RWDD1: variants seen among roughly 807,000 people sequenced by gnomAD.
The protein encoded by RWDD1 is RWD domain-containing protein 1.
Under a neutral mutation model 31.6 loss-of-function variants are expected in RWDD1, and 17 were observed. The ratio of observed to expected loss-of-function variants is 0.54; its 90% confidence interval spans 0.37 to 0.81. The LOEUF is 0.81. Among genes scored for constraint, RWDD1 ranks in the 30% least tolerant of loss-of-function variants. RWDD1 has a pLI of 0.00. For synonymous variants in RWDD1, 78 were observed against 94.2 expected (o/e 0.83, Z 0.99); for missense variants, 204 against 274.5 (o/e 0.74, Z 1.82).
chr6:116,587,932 T>A (rs1245805536), intron 3 of RWDD1, among the ~76,000 whole-genome samples: 2 of 151,994 alleles, frequency 1.3e-5, no homozygotes, highest in Non-Finnish European at 2.9e-5. Context: ...GTGGTGTGAT[T>A]TGTGGAGATT....
rs1371463322 is a variant in RWDD1 at position 116,594,543 on chromosome 6, A to G, written c.*1442A>G. ...CCACTGTCCTGTAGTCGTGAAGTCT[A>G]TATATTTTGGTATTTTCTTTACCTC... On this transcript the variant is annotated 3_prime_UTR_variant, in exon 7 of 7. Transcript: ENST00000466444. 1.3e-5 allele frequency: 2 copies of G among 152,140 alleles called. No individual in the cohort carries two copies. Among genetic ancestry groups the G allele is most frequent in the African/African-American group, 4.8e-5 (2 of 41,414 alleles). The allele number at this position is 152,140 out of a possible 1,614,324, so 9.4% of individuals were successfully genotyped here.
intron 2 of RWDD1, 28 bp from the exon 3 acceptor site, chr6:116,584,699 C>G: frequency 6.3e-7 from 1 of 1,596,448 alleles, no homozygotes; most frequent in Non-Finnish European, 8.6e-7. Context: ...TTAAGGTATT[C>G]ACATCAAACT....
rs1032861652 is a variant in RWDD1 at position 116,595,305 on chromosome 6, A to C, written c.*2204A>C. 2.0e-5 allele frequency: 3 copies of C among 152,212 alleles called. No individual in the cohort carries two copies. The highest frequency in any genetic ancestry group is 4.4e-5 in the Non-Finnish European group (3 of 68,038). The allele number at this position is 152,212 out of a possible 1,614,324, so 9.4% of individuals were successfully genotyped here. On this transcript the variant is annotated 3_prime_UTR_variant, in exon 7 of 7. Coordinates refer to ENST00000466444, the MANE Select transcript of RWDD1 (RefSeq NM_015952.4). ...TCCACCTTTGCCATTTCAGAACCTAAAGGCAGAATCTAATGGTAAAATGAA... is the reference window on the plus strand; with the variant it reads ...TCCACCTTTGCCATTTCAGAACCTACAGGCAGAATCTAATGGTAAAATGAA...
intron 4 of RWDD1, among the ~76,000 whole-genome samples, chr6:116,589,238 A>C (rs1775096395): frequency 6.6e-6 from 1 of 152,202 alleles, no homozygotes; most frequent in African/African-American, 2.4e-5. Context: ...TAAAGATTTC[A>C]CCTATGATAT....
chr6:116,584,910 T>C, intron 3 of RWDD1, 53 bp downstream of exon 3: 1 of 1,370,344 alleles, frequency 7.3e-7, no homozygotes. Flanking sequence ...GCCTTAAATA[T>C]TACATATTAA....
Position 116,593,872 on chromosome 6 carries a change from G to A in RWDD1, c.*771G>A, listed in dbSNP as rs1032526180. On this transcript the variant is annotated 3_prime_UTR_variant, in exon 7 of 7. Coordinates refer to ENST00000466444, the MANE Select transcript of RWDD1 (RefSeq NM_015952.4). ...AGGCAGGACAATGGCGTGAACCCGGGAGGTGGAGCTTGCAGTGAGCCGAGA... is the reference window on the plus strand; with the variant it reads ...AGGCAGGACAATGGCGTGAACCCGGAAGGTGGAGCTTGCAGTGAGCCGAGA... 1 of 151,954 alleles carries A rather than the reference G, an allele frequency of 6.6e-6. No individual in the cohort carries two copies. The highest frequency in any genetic ancestry group is 1.5e-5 in the Non-Finnish European group (1 of 68,046). The allele number at this position is 151,954 out of a possible 1,614,324, so 9.4% of individuals were successfully genotyped here.
Position 116,595,074 on chromosome 6 carries a change from C to G in RWDD1, c.*1973C>G, listed in dbSNP as rs958119852. ...TGTCCTATGTGAGATTTTGCTTTTC[C>G]CATCTTTTTGAAGCTGATCAGCAGA... On this transcript the variant is annotated 3_prime_UTR_variant, in exon 7 of 7. Coordinates refer to ENST00000466444, the MANE Select transcript of RWDD1 (RefSeq NM_015952.4). The G allele has an allele frequency of 6.6e-6, 1 of 152,058 alleles. No homozygotes were observed. The highest frequency in any genetic ancestry group is 1.5e-5 in the Non-Finnish European group (1 of 67,998). 9.4% of individuals were successfully genotyped at this position (152,058 alleles called of 1,614,324 possible). A position where few individuals can be genotyped will look rare whatever the true frequency, so the allele number is the denominator to read the frequency against.
At chr6:116,572,912 C>T in intron 1 of RWDD1, 4 of 985,362 alleles carry the variant, frequency 4.1e-6, no homozygotes, top group Non-Finnish European at 4.8e-6. Flanking sequence ...TGTTCTCTCT[C>T]ACCAGCAGTA....
chr6:116,576,474 T>C (rs1262304702), intron 1 of RWDD1, among the ~76,000 whole-genome samples: 1 of 152,246 alleles, frequency 6.6e-6, no homozygotes, highest in East Asian at 1.9e-4. Context: ...CATGCTTGTA[T>C]TGAACATGCG....
intron 1 of RWDD1, among the ~76,000 whole-genome samples, chr6:116,573,420 G>A (rs1377274083): frequency 6.6e-6 from 1 of 152,154 alleles, no homozygotes; most frequent in East Asian, 1.9e-4. Flanking sequence ...TGCATTATCA[G>A]ATGAGCCATC....
At position 116,596,026 on chromosome 6, in the gene RWDD1, A is replaced by G. The variant is rs966378990; in HGVS notation, c.*2925A>G. 3 of 152,170 alleles carry G rather than the reference A, an allele frequency of 2.0e-5. No individual in the cohort carries two copies. Among genetic ancestry groups the G allele is most frequent in the African/African-American group, 7.2e-5 (3 of 41,444 alleles). The allele number at this position is 152,170 out of a possible 1,614,324, so 9.4% of individuals were successfully genotyped here. ...CATGTGCCAAGAAGCAAAGAGATGC[A>G]CTCTTGTATTCCAGAAAGAAGATGA... is the stretch of plus-strand genomic sequence containing the variant. On this transcript the variant is annotated 3_prime_UTR_variant, in exon 7 of 7. Coordinates refer to ENST00000466444, the MANE Select transcript of RWDD1 (RefSeq NM_015952.4).
chr6:116,590,519 G>C, intron 5 of RWDD1, 115 bp downstream of exon 5: 2 of 1,276,280 alleles, frequency 1.6e-6, no homozygotes, highest in Non-Finnish European at 2.1e-6. Flanking sequence ...AGGCATCTAG[G>C]ACAAAAAGAG....
intron 1 of RWDD1, among the ~76,000 whole-genome samples, chr6:116,572,130 A>G (rs1326226894): frequency 6.7e-6 from 1 of 149,878 alleles, no homozygotes; most frequent in Non-Finnish European, 1.5e-5. Context: ...AGAGTAGCAT[A>G]GTCCCTGAAG....
chr6:116,585,474 G>T (rs1775020508), intron 3 of RWDD1, among the ~76,000 whole-genome samples: 1 of 152,140 alleles, frequency 6.6e-6, no homozygotes, highest in South Asian at 2.1e-4. Flanking sequence ...TCATGCTTGG[G>T]TAGACAGTTT....
chr6:116,590,804 T>C (rs943963384), intron 5 of RWDD1, 84 bp from the exon 6 acceptor site: 1 of 1,481,558 alleles, frequency 6.7e-7, no homozygotes, highest in African/African-American at 1.5e-5. Flanking sequence ...AAAAGAGGTT[T>C]TCAAATTTGC....
In RWDD1 at chr6:116,595,620, AT is replaced by A. The variant is rs1583338846; in HGVS notation, c.*2520del. 6.6e-6 allele frequency: 1 copy of A among 151,926 alleles called. No homozygotes were observed. Among genetic ancestry groups the A allele is most frequent in the East Asian group, 1.9e-4 (1 of 5,202 alleles). The allele number at this position is 151,926 out of a possible 1,614,324, so 9.4% of individuals were successfully genotyped here. On this transcript the variant is annotated 3_prime_UTR_variant, in exon 7 of 7. Transcript: ENST00000466444. ...GTCACTAGGTTAAAAACAAACACAG[AT>A]ATGTTTATTCATTACTGTATCCCTG...
chr6:116,575,201 CT>C (rs1272961294), intron 1 of RWDD1, among the ~76,000 whole-genome samples: 3 of 151,906 alleles, frequency 2.0e-5, no homozygotes, highest in African/African-American at 7.3e-5. Flanking sequence ...ATTCTCCTGC[CT>C]CACCTTCCCA....
At chr6:116,588,412 A>C (rs192128369) in intron 3 of RWDD1, among the ~76,000 whole-genome samples, 96 of 152,240 alleles carry the variant, frequency 6.3e-4, no homozygotes, top group African/African-American at 2.3e-3. Flanking sequence ...AACCATTTCA[A>C]ATCTAAAGAA....
At position 116,594,729 on chromosome 6, in the gene RWDD1, C is replaced by T. The variant is rs1053569804; in HGVS notation, c.*1628C>T. 2 of 152,174 alleles carry T rather than the reference C, an allele frequency of 1.3e-5. No individual in the cohort carries two copies. The highest frequency in any genetic ancestry group is 4.8e-5 in the African/African-American group (2 of 41,430). 9.4% of individuals were successfully genotyped at this position (152,174 alleles called of 1,614,324 possible). On this transcript the variant is annotated 3_prime_UTR_variant, in exon 7 of 7. Transcript: ENST00000466444. ...AGAGCCAGTCTTCATGCAAGTTATT[C>T]AGTCACTACAGTTTTGGAGGACTGA...
Sources: gnomAD v4.1 joint callset for allele counts (sites outside exome capture counted in the v4.1 genomes callset) on GRCh38, gnomAD v4.1.1 for gene constraint, MANE v1.5 for transcripts, NCBI Gene and HGNC (gene_info 2026-07-23, HGNC 2026-07-21) for gene names.